ITFG1: variants seen among roughly 807,000 people sequenced by gnomAD.
The protein encoded by ITFG1 is integrin alpha FG-GAP repeat containing 1.
Under a neutral mutation model 81.8 loss-of-function variants are expected in ITFG1, and 34 were observed. The ratio of observed to expected loss-of-function variants is 0.42; its 90% confidence interval spans 0.32 to 0.55. The LOEUF is 0.55. ITFG1 is among the 20% of genes least tolerant of loss of function. The pLI, the probability that ITFG1 is intolerant of heterozygous loss-of-function variation, is 0.17. For missense variants in ITFG1, 672 were observed against 755.4 expected (o/e 0.89, Z 1.29); for synonymous variants, 285 against 270.6 (o/e 1.05, Z -0.52).
intron 8 of ITFG1, among the ~76,000 whole-genome samples, chr16:47,320,525 C>G (rs1045978810): frequency 2.0e-5 from 3 of 152,158 alleles, no homozygotes; most frequent in African/African-American, 7.2e-5. Context: ...ATCTGGTTAG[C>G]TGTTCCACAC....
intron 14 of ITFG1, among the ~76,000 whole-genome samples, chr16:47,204,212 C>T (rs1328211921): frequency 6.6e-6 from 1 of 152,124 alleles, no homozygotes; most frequent in African/African-American, 2.4e-5. Context: ...TCTGACAGCC[C>T]ACTTGTTATA....
chr16:47,346,749 A>C (rs923634484), intron 8 of ITFG1, among the ~76,000 whole-genome samples: 1 of 152,226 alleles, frequency 6.6e-6, no homozygotes, highest in Non-Finnish European at 1.5e-5. Flanking sequence ...GCCAATGAGC[A>C]ATGAGATTGA....
chr16:47,428,972 C>A, intron 5 of ITFG1, 74 bp from the exon 6 acceptor site: 1 of 793,906 alleles, frequency 1.3e-6, no homozygotes, highest in South Asian at 1.6e-5. Context: ...AAAATCTCTG[C>A]ATGCAAAACA....
chr16:47,197,365 T>C (rs547842694), intron 14 of ITFG1, among the ~76,000 whole-genome samples: 2 of 152,354 alleles, frequency 1.3e-5, no homozygotes, highest in South Asian at 2.1e-4. Flanking sequence ...ACTAAGTTTT[T>C]AGCTTAACTC....
chr16:47,357,759 G>T (rs888167516), intron 8 of ITFG1, among the ~76,000 whole-genome samples: 8 of 152,002 alleles, frequency 5.3e-5, no homozygotes, highest in Non-Finnish European at 1.0e-4. Context: ...ATGGCTCCAG[G>T]GATATAGAGT....
intron 14 of ITFG1, among the ~76,000 whole-genome samples, chr16:47,195,892 T>C (rs1279573592): frequency 3.3e-5 from 5 of 152,092 alleles, no homozygotes; most frequent in African/African-American, 1.2e-4. Context: ...CAACAGGCCC[T>C]AGTGTGTGCT....
At chr16:47,198,265 A>G (rs1374146251) in intron 14 of ITFG1, among the ~76,000 whole-genome samples, 5 of 152,206 alleles carry the variant, frequency 3.3e-5, no homozygotes, top group East Asian at 3.9e-4. Context: ...CATGCACTGT[A>G]TAACGACATT....
At chr16:47,349,396 C>T (rs1450095118) in intron 8 of ITFG1, among the ~76,000 whole-genome samples, 1 of 152,066 alleles carries the variant, frequency 6.6e-6, no homozygotes, top group African/African-American at 2.4e-5. Flanking sequence ...CAAAAAAAGG[C>T]AGGGGTTGCA....
intron 13 of ITFG1, among the ~76,000 whole-genome samples, chr16:47,229,152 C>T (rs1965788339): frequency 6.6e-6 from 1 of 152,112 alleles, no homozygotes; most frequent in African/African-American, 2.4e-5. Flanking sequence ...AACACAGATA[C>T]TCACCCACTT....
chr16:47,432,774 T>C (rs552964787), intron 5 of ITFG1, among the ~76,000 whole-genome samples: 55 of 152,340 alleles, frequency 3.6e-4, no homozygotes, highest in African/African-American at 1.3e-3. Context: ...GTTTCACTTA[T>C]ATCCAATTTA....
chr16:47,285,977 TTC>T (rs1463488663), intron 10 of ITFG1, among the ~76,000 whole-genome samples: 1 of 152,164 alleles, frequency 6.6e-6, no homozygotes. Flanking sequence ...AAGTACCACT[TTC>T]TCCCAAAAGC....
chr16:47,219,868 A>G (rs1965669828), intron 13 of ITFG1, among the ~76,000 whole-genome samples: 1 of 152,226 alleles, frequency 6.6e-6, no homozygotes, highest in Non-Finnish European at 1.5e-5. Flanking sequence ...ATAAGGATGG[A>G]ATTACTCATA....
intron 10 of ITFG1, among the ~76,000 whole-genome samples, chr16:47,290,617 T>C (rs1966894123): frequency 6.6e-6 from 1 of 152,190 alleles, no homozygotes; most frequent in Non-Finnish European, 1.5e-5. Context: ...TAAATAAATG[T>C]AGCGATACCA....
chr16:47,438,311 CTCTG>C (rs747301356), intron 5 of ITFG1, among the ~76,000 whole-genome samples: 1 of 152,234 alleles, frequency 6.6e-6, no homozygotes, highest in Non-Finnish European at 1.5e-5. Flanking sequence ...ACTTAAATAT[CTCTG>C]TCTGACAGCT....
chr16:47,336,337 A>T (rs908226181), intron 8 of ITFG1, among the ~76,000 whole-genome samples: 2 of 152,134 alleles, frequency 1.3e-5, no homozygotes, highest in Non-Finnish European at 2.9e-5. Context: ...ATGGTAGGAA[A>T]ATTTGACAGC....
At chr16:47,432,260 T>C (rs541366184) in intron 5 of ITFG1, among the ~76,000 whole-genome samples, 1 of 152,326 alleles carries the variant, frequency 6.6e-6, no homozygotes, top group African/African-American at 2.4e-5. Context: ...CACAGATATG[T>C]CATCTCCATA....
At chr16:47,436,636 G>A (rs1407642472) in intron 5 of ITFG1, among the ~76,000 whole-genome samples, 1 of 152,058 alleles carries the variant, frequency 6.6e-6, no homozygotes, top group East Asian at 1.9e-4. Flanking sequence ...ATGTGAAAAG[G>A]CAGATTAGAA....
intron 13 of ITFG1, among the ~76,000 whole-genome samples, chr16:47,226,212 T>A (rs1046039565): frequency 6.6e-6 from 1 of 152,146 alleles, no homozygotes; most frequent in Admixed American, 6.5e-5. Flanking sequence ...CAAAATAACT[T>A]TTTTGTGTGT....
chr16:47,219,997 ATGAG>A (rs1965671897), intron 13 of ITFG1, among the ~76,000 whole-genome samples: 1 of 152,236 alleles, frequency 6.6e-6, no homozygotes, highest in Non-Finnish European at 1.5e-5. Flanking sequence ...CACTACTTTC[ATGAG>A]AGAATTAGCA....
Sources: allele counts gnomAD v4.1 joint callset (sites outside exome capture counted in the v4.1 genomes callset), GRCh38; gene constraint gnomAD v4.1.1; transcripts MANE v1.5; gene names NCBI Gene and HGNC (gene_info 2026-07-23, HGNC 2026-07-21).